NPHP3: variants seen among roughly 807,000 people sequenced by gnomAD.
The protein encoded by NPHP3 is nephrocystin-3.
A neutral mutation model predicts 171.9 loss-of-function variants in NPHP3; 123 were observed. That is an observed-to-expected ratio of 0.72 (90% CI 0.62 to 0.83). The LOEUF is 0.83. Among genes scored for constraint, NPHP3 ranks in the 40% least tolerant of loss-of-function variants. The pLI is 0.00. For missense variants in NPHP3, 1,506 were observed against 1,591.9 expected (o/e 0.95, Z 0.92); for synonymous variants, 558 against 579.2 (o/e 0.96, Z 0.52).
chr3:132,708,009 C>G (rs1939799140), intron 7 of NPHP3, 92 bp downstream of exon 7: 2 of 1,236,140 alleles, frequency 1.6e-6, no homozygotes, highest in Non-Finnish European at 2.3e-6. Flanking sequence ...TCTCCCCTCC[C>G]CAGATATGCC....
At chr3:132,700,825 G>C (rs1939587707) in intron 10 of NPHP3, among the ~76,000 whole-genome samples, 1 of 151,850 alleles carries the variant, frequency 6.6e-6, no homozygotes, top group African/African-American at 2.4e-5. Flanking sequence ...TAATAAAAAG[G>C]AGACAACTAC....
chr3:132,720,115 C>G (rs572505190), intron 1 of NPHP3, among the ~76,000 whole-genome samples: 1 of 152,248 alleles, frequency 6.6e-6, no homozygotes, highest in South Asian at 2.1e-4. Context: ...CTTCCTTATG[C>G]CTTTTCCATC....
chr3:132,692,154 T>C (rs898324015), intron 17 of NPHP3, among the ~76,000 whole-genome samples: 3 of 152,346 alleles, frequency 2.0e-5, no homozygotes, highest in Admixed American at 6.5e-5. Context: ...TGCAGGTTTG[T>C]AGCCTGGGAG....
intron 21 of NPHP3, among the ~76,000 whole-genome samples, chr3:132,688,234 AT>A (rs1413426366): frequency 6.6e-6 from 1 of 152,216 alleles, no homozygotes; most frequent in Non-Finnish European, 1.5e-5. Flanking sequence ...GGCTATGTGT[AT>A]AAGGTGTATA....
At position 132,692,733 on chromosome 3, in the gene NPHP3, A is replaced by G. The variant is rs1294795226; in HGVS notation, c.2396T>C (p.Leu799Ser). The G allele has an allele frequency of 6.2e-7, 1 of 1,614,074 alleles. No homozygotes were observed. Among genetic ancestry groups the G allele is most frequent in the Non-Finnish European group, 8.5e-7 (1 of 1,179,944 alleles). The change falls in exon 17 of 27, where the codon TTG (leucine) becomes TCG (serine). Residue 799 changes from leucine to serine, a missense_variant. By Grantham distance (145) the Leu-to-Ser change is moderately radical (BLOSUM62 -2). Coordinates refer to ENST00000337331, the MANE Select transcript of NPHP3 (RefSeq NM_153240.5). ...ELYPEMSWTF[L>S]TSLIHSLYKM... ...GTATAAACTGTGAATAAGGGAGGTC[A>G]AGAAAGTCCAGGACATCTCAGGATA...
chr3:132,696,738 T>A lies in NPHP3; in HGVS notation c.2164A>T (p.Ile722Phe). The change falls in exon 15 of 27, where the codon ATC (isoleucine) becomes TTC (phenylalanine). Residue 722 changes from isoleucine to phenylalanine, a missense_variant. Ile to Phe is a conservative substitution (Grantham distance 21). Coordinates refer to ENST00000337331, the MANE Select transcript of NPHP3 (RefSeq NM_153240.5). The stretch of plus-strand genomic sequence containing the variant: ...AAAATAATCACCACTCACCGCGCGA[T>A]CATTTTGCCGAAAAGGGTGACATAA... ...ALYVTLFGKM[I>F]ARAGRAGNLD... 1 of 1,613,960 alleles carries A rather than the reference T, an allele frequency of 6.2e-7. No individual in the cohort carries two copies. The highest frequency in any genetic ancestry group is 8.5e-7 in the Non-Finnish European group (1 of 1,179,882).
chr3:132,722,341 C>T lies in NPHP3; in HGVS notation c.15G>A (p.Ser5=), dbSNP rs2108008379. The T allele has an allele frequency of 1.3e-6, 2 of 1,577,356 alleles. No homozygotes were observed. The highest frequency in any genetic ancestry group is 2.8e-5 in the African/African-American group (2 of 72,440). Residue 5 remains serine (S), a synonymous_variant, in exon 1 of 27, where the codon TCG becomes TCA. Transcript: ENST00000337331. MGTA[S]SLVSPAGGEV... ...CCCCGCCCGCGGGGCTCACGAGCGA[C>T]GAGGCGGTCCCCATGGCGTCCGTTG...
intron 24 of NPHP3, 69 bp downstream of exon 24, chr3:132,684,485 T>C (rs963962519): frequency 6.4e-7 from 1 of 1,557,208 alleles, no homozygotes; most frequent in African/African-American, 1.4e-5. Context: ...AGACAAATTA[T>C]TTTGCTGATA....
rs11396595 is a variant in NPHP3 at position 132,688,637 on chromosome 3, T to TA, written c.3125+12dup. The TA allele has an allele frequency of 0.14, 231,185 of 1,613,178 alleles. 21,887 individuals carry two copies. The highest frequency in any genetic ancestry group is 0.59 in the East Asian group (26,487 of 44,846). ...TGCATAAAATCAGGTATTACTGATC[T>TA]AAAAAATCTTACTTATTTTGTTTCT... is the stretch of plus-strand genomic sequence containing the variant. On this transcript the variant is annotated intron_variant, in intron 21 of 26. Transcript: ENST00000337331.
intron 5 of NPHP3, 151 bp downstream of exon 5, chr3:132,714,934 T>C: frequency 1.7e-6 from 1 of 605,954 alleles, no homozygotes; most frequent in South Asian, 2.3e-5. Flanking sequence ...AACAATATTT[T>C]CTCTTAAGAA....
At chr3:132,706,846 G>C (rs1939769082) in intron 7 of NPHP3, among the ~76,000 whole-genome samples, 1 of 152,120 alleles carries the variant, frequency 6.6e-6, no homozygotes, top group African/African-American at 2.4e-5. Context: ...AGTGGACTAG[G>C]CTGATACTAC....
At chr3:132,708,029 C>A in intron 7 of NPHP3, 72 bp downstream of exon 7, 1 of 1,454,352 alleles carries the variant, frequency 6.9e-7, no homozygotes, top group Non-Finnish European at 9.5e-7. Flanking sequence ...CAGGCTTATG[C>A]CCACCTCATG....
At chr3:132,696,360 A>G (rs1167645636) in intron 15 of NPHP3, among the ~76,000 whole-genome samples, 1 of 152,204 alleles carries the variant, frequency 6.6e-6, no homozygotes, top group African/African-American at 2.4e-5. Flanking sequence ...AGAGACAATT[A>G]AAAATTCATA....
intron 26 of NPHP3, 21 bp downstream of exon 26, chr3:132,682,682 G>A: frequency 7.4e-7 from 1 of 1,359,522 alleles, no homozygotes; most frequent in East Asian, 2.3e-5. Flanking sequence ...GCTGTATAAG[G>A]AAAGTGAAAA....
rs1370210366 is a variant in NPHP3, at chr3:132,689,146, G to T, written c.2811C>A (p.Asp937Glu). Residue 937 changes from aspartate to glutamate, a missense_variant, in exon 20 of 27, where the codon GAC becomes GAA. Physicochemically the swap from Asp to Glu is conservative, Grantham distance 45 (BLOSUM62 2). Around this residue, in one of 3 missense-constraint regions of NPHP3, gnomAD observed 569 missense variants for 648.1 expected, o/e 0.88. Coordinates refer to ENST00000337331, the MANE Select transcript of NPHP3 (RefSeq NM_153240.5). Reference sequence around the variant, plus strand: ...AAAGATCAGCTAAGCAACTCATGTTGTCCTCGCCTTCGCAGTTTTTCTCAT... The same window carrying T: ...AAAGATCAGCTAAGCAACTCATGTTTTCCTCGCCTTCGCAGTTTTTCTCAT... ...KQYEKNCEGEDNMSCLADLYE... is the reference protein window; with the variant it reads ...KQYEKNCEGEENMSCLADLYE... 2 of 1,614,094 alleles carry T rather than the reference G, an allele frequency of 1.2e-6. No homozygotes were observed. Among genetic ancestry groups the T allele is most frequent in the Admixed American group, 1.7e-5 (1 of 60,014 alleles).
At position 132,701,477 on chromosome 3, in the gene NPHP3, G is replaced by A. The variant is rs183241346; in HGVS notation, c.1581C>T (p.Leu527=). The change falls in exon 10 of 27, where the codon CTC becomes CTT. Residue 527 remains leucine, a synonymous_variant. Transcript: ENST00000337331. ...TCCCAGAACCTGGTCCTCCAGACAC[G>A]AGAAGAGGTGGAATCGGGGCTGGTG... is the stretch of plus-strand genomic sequence containing the variant. ...VAAPAPIPPL[L]VSGGPGSGKS... 1.1e-5 allele frequency: 17 copies of A among 1,613,612 alleles called. No homozygotes were observed. The highest frequency in any genetic ancestry group is 3.3e-5 in the South Asian group (3 of 91,074).
intron 3 of NPHP3, chr3:132,717,111 T>A: frequency 9.4e-6 from 5 of 530,056 alleles, no homozygotes; most frequent in South Asian, 5.2e-5. Context: ...CATCTCAAAT[T>A]CAAAGAGAGG....
chr3:132,691,535 T>G (rs1272149790), intron 17 of NPHP3, among the ~76,000 whole-genome samples: 4 of 152,126 alleles, frequency 2.6e-5, no homozygotes, highest in Non-Finnish European at 5.9e-5. Flanking sequence ...ATTAAAAATC[T>G]CAGAAGTGTG....
At position 132,704,341 on chromosome 3, in the gene NPHP3, C is replaced by A. The variant is rs119456961; in HGVS notation, c.1381G>T (p.Glu461Ter). The A allele has an allele frequency of 7.4e-6, 12 of 1,614,158 alleles. No homozygotes were observed. Among genetic ancestry groups the A allele is most frequent in the Non-Finnish European group, 1.0e-5 (12 of 1,180,028 alleles). ...TCCTCACTGCCCAAATCCTTAGTCT[C>A]CAAGTCTGTGTTCTCAAAACCCAGT... is the stretch of plus-strand genomic sequence containing the variant. ...DILGFENTDL[E>*]TKDLGSEDSI... The change falls in exon 9 of 27, where the codon GAG becomes TAG. Residue 461 changes from glutamate to a stop codon, truncating the protein, a stop_gained. Coordinates refer to ENST00000337331, the MANE Select transcript of NPHP3 (RefSeq NM_153240.5). LOFTEE classifies it high-confidence loss of function.
Sources: allele counts gnomAD v4.1 joint callset (sites outside exome capture counted in the v4.1 genomes callset), GRCh38; gene constraint gnomAD v4.1.1; regional missense constraint gnomAD v4.1.1; transcripts MANE v1.5; gene names NCBI Gene and HGNC (gene_info 2026-07-23, HGNC 2026-07-21).